Variants in DROSHA observed in about 807,000 individuals in gnomAD.
DROSHA encodes ribonuclease 3.
In DROSHA, 56 loss-of-function variants were observed where a neutral mutation model predicts 181.9. That is an observed-to-expected ratio of 0.31 (90% CI 0.25 to 0.38). DROSHA has a LOEUF of 0.38. DROSHA is among the 10% of genes least tolerant of loss of function. The probability of loss-of-function intolerance (pLI) is 1.00; values close to 1 mark genes in which losing one functional copy is unlikely to be tolerated. For missense variants in DROSHA, 1,218 were observed against 1,743.5 expected (o/e 0.70, Z 5.37); for synonymous variants, 524 against 591.2 (o/e 0.89, Z 1.65).
intron 25 of DROSHA, 34 bp from the exon 26 acceptor site, chr5:31,431,712 A>G (rs772774478): frequency 2.5e-6 from 4 of 1,609,474 alleles, no homozygotes; most frequent in Non-Finnish European, 3.4e-6. Flanking sequence ...CGTAAGAAAG[A>G]GTTTGCCAAA....
intron 17 of DROSHA, among the ~76,000 whole-genome samples, chr5:31,469,387 C>G (rs1278227915): frequency 6.6e-6 from 1 of 151,988 alleles, no homozygotes; most frequent in Non-Finnish European, 1.5e-5. Context: ...AAAAAAACCC[C>G]TCAAACTTTT....
chr5:31,466,342 A>G, intron 18 of DROSHA, 61 bp from the exon 19 acceptor site: 1 of 1,446,138 alleles, frequency 6.9e-7, no homozygotes, highest in Admixed American at 1.7e-5. Context: ...AATGCAACAA[A>G]ACCAGTTATT....
intron 24 of DROSHA, 122 bp from the exon 25 acceptor site, chr5:31,435,986 T>A: frequency 1.2e-6 from 1 of 809,766 alleles, no homozygotes; most frequent in Non-Finnish European, 1.9e-6. Flanking sequence ...TGAATCAAAC[T>A]AAAGGATCTG....
Position 31,508,787 on chromosome 5 carries a change from TG to T in DROSHA, c.1433-13del. ...TTCACTGGAACTCTCTAACAGGGGT[TG>T]GGAGAAAAATACAGAAATTGATGGA... is the stretch of plus-strand genomic sequence containing the variant. On this transcript the variant is annotated splice_polypyrimidine_tract_variant and intron_variant, in intron 9 of 35. Coordinates refer to ENST00000344624, the MANE Select transcript of DROSHA (RefSeq NM_001382508.1). The T allele has an allele frequency of 1.2e-6, 2 of 1,601,942 alleles. No individual in the cohort carries two copies. The highest frequency in any genetic ancestry group is 8.5e-7 in the Non-Finnish European group (1 of 1,174,606).
chr5:31,424,294 C>T (rs1012831974), intron 28 of DROSHA, 133 bp downstream of exon 28: 6 of 1,138,388 alleles, frequency 5.3e-6, no homozygotes, highest in Admixed American at 4.6e-5. Context: ...CCAGGTCTGA[C>T]ACCTCAGCTT....
At chr5:31,448,658 T>C (rs1220329285) in intron 22 of DROSHA, 51 bp from the exon 23 acceptor site, 5 of 1,417,352 alleles carry the variant, frequency 3.5e-6, no homozygotes, top group East Asian at 4.6e-5. Flanking sequence ...AGAAGAATTA[T>C]AGGACCATCA....
At chr5:31,507,242 C>T (rs991635118) in intron 10 of DROSHA, among the ~76,000 whole-genome samples, 1 of 152,134 alleles carries the variant, frequency 6.6e-6, no homozygotes, top group African/African-American at 2.4e-5. Flanking sequence ...AGGTGGATCA[C>T]CTGAGGTCGG....
At position 31,434,076 on chromosome 5, in the gene DROSHA, G is replaced by A. The variant is rs1326272099; in HGVS notation, c.3042+1689C>T. 4.6e-5 allele frequency among the ~76,000 whole-genome samples: 7 copies of A among 152,308 alleles called. No homozygotes were observed. The East Asian group carries it at 1.4e-3, about 29-fold the overall frequency. On this transcript the variant is annotated intron_variant, in intron 25 of 35. Coordinates refer to ENST00000344624, the MANE Select transcript of DROSHA (RefSeq NM_001382508.1). The stretch of plus-strand genomic sequence containing the variant: ...GCAGCCAATGGGTGTTGAGTACTAT[G>A]GGAATGGCAAGCCTTGGGCTTGGTG...
At chr5:31,440,060 C>G (rs1466174441) in intron 23 of DROSHA, among the ~76,000 whole-genome samples, 1 of 152,094 alleles carries the variant, frequency 6.6e-6, no homozygotes, top group East Asian at 1.9e-4. Context: ...TCATACCCAC[C>G]CCTCTTTTAT....
intron 34 of DROSHA, among the ~76,000 whole-genome samples, chr5:31,406,579 G>A (rs980389147): frequency 6.6e-6 from 1 of 152,070 alleles, no homozygotes; most frequent in African/African-American, 2.4e-5. Flanking sequence ...GTGTGCTCTG[G>A]GTAACTAAAA....
chr5:31,485,229 TTAATA>T (rs1429618283), intron 14 of DROSHA, among the ~76,000 whole-genome samples: 14 of 152,270 alleles, frequency 9.2e-5, no homozygotes, highest in East Asian at 1.9e-4. Context: ...CTCACTTATA[TTAATA>T]TATTTTTCTA....
chr5:31,415,729 T>C (rs1307426045), intron 30 of DROSHA, among the ~76,000 whole-genome samples: 1 of 152,184 alleles, frequency 6.6e-6, no homozygotes, highest in Non-Finnish European at 1.5e-5. Context: ...TAGCAACTAT[T>C]TTTAGCAAAG....
intron 34 of DROSHA, 76 bp downstream of exon 34, chr5:31,406,777 G>T: frequency 7.5e-7 from 1 of 1,340,054 alleles, no homozygotes; most frequent in Non-Finnish European, 1.1e-6. Context: ...AGATGACTGA[G>T]TTTGGAGATA....
chr5:31,522,352 C>T (rs752858380), intron 5 of DROSHA, among the ~76,000 whole-genome samples: 13 of 151,916 alleles, frequency 8.6e-5, no homozygotes, highest in Non-Finnish European at 1.2e-4. Flanking sequence ...TGAACCATGC[C>T]ACATGTCAAA....
At chr5:31,451,074 C>T (rs192243833) in intron 21 of DROSHA, among the ~76,000 whole-genome samples, 21 of 152,112 alleles carry the variant, frequency 1.4e-4, no homozygotes, top group African/African-American at 3.4e-4. Flanking sequence ...TGGTGGCGGG[C>T]GCCTGTAATT....
At chr5:31,506,913 A>G (rs1052260704) in intron 10 of DROSHA, among the ~76,000 whole-genome samples, 2 of 152,220 alleles carry the variant, frequency 1.3e-5, no homozygotes, top group Non-Finnish European at 2.9e-5. Context: ...AACACTAAAC[A>G]GCATTAGAAA....
intron 5 of DROSHA, among the ~76,000 whole-genome samples, chr5:31,524,515 G>C (rs1740293717): frequency 6.6e-6 from 1 of 152,192 alleles, no homozygotes; most frequent in African/African-American, 2.4e-5. Context: ...CTTGACAACA[G>C]AAGATCTCAA....
At chr5:31,508,884 G>T in intron 9 of DROSHA, 109 bp from the exon 10 acceptor site, 3 of 1,245,288 alleles carry the variant, frequency 2.4e-6, no homozygotes, top group Non-Finnish European at 2.2e-6. Context: ...AGTGCAGTGC[G>T]CGATCTCAGC....
At chr5:31,420,648 C>T (rs1470174534) in intron 30 of DROSHA, among the ~76,000 whole-genome samples, 3 of 152,134 alleles carry the variant, frequency 2.0e-5, no homozygotes, top group South Asian at 2.1e-4. Flanking sequence ...CATGCCTTTT[C>T]GTTCTGCAGT....
Sources: allele counts gnomAD v4.1 joint callset (sites outside exome capture counted in the v4.1 genomes callset), GRCh38; gene constraint gnomAD v4.1.1; transcripts MANE v1.5; gene names NCBI Gene and HGNC (gene_info 2026-07-23, HGNC 2026-07-21).